The following LRGUK variants were observed in gnomAD, a reference collection of about 807,000 sequenced individuals.
LRGUK encodes the protein leucine-rich repeat and guanylate kinase domain-containing protein.
A neutral mutation model predicts 76.0 loss-of-function variants in LRGUK; 65 were observed. The ratio of observed to expected loss-of-function variants is 0.85; its 90% CI spans 0.70 to 1.05. The LOEUF is 1.05. Among genes scored for constraint, LRGUK ranks in the 50% least tolerant of loss-of-function variants. The pLI is 0.00. For synonymous variants in LRGUK, 268 were observed against 265.6 expected (o/e 1.01, Z -0.09); for missense variants, 758 against 732.8 (o/e 1.03, Z -0.40).
At chr7:134,209,621 A>G in exon 16 of LRGUK, 1 of 399,160 alleles carries the variant, frequency 2.5e-6, no homozygotes, top group Non-Finnish European at 4.4e-6. Flanking sequence ...ATCGCCCAGC[A>G]GGGAAGAGGC....
At chr7:134,240,092 A>C (rs955604390) in intron 16 of LRGUK, among the ~76,000 whole-genome samples, 1 of 152,228 alleles carries the variant, frequency 6.6e-6, no homozygotes, top group Non-Finnish European at 1.5e-5. Context: ...AACCACAAAG[A>C]TGGGGAGAAA....
At chr7:134,275,105 G>A in the LRGUK span, among the ~76,000 whole-genome samples, 41 of 152,036 alleles carry the variant, frequency 2.7e-4, no homozygotes, top group Admixed American at 2.6e-3. Context: ...CTACTCTGAT[G>A]TATATCATGG....
chr7:134,185,196 C>CA (rs571953978), intron 11 of LRGUK, among the ~76,000 whole-genome samples: 230 of 151,758 alleles, frequency 1.5e-3, no homozygotes, highest in African/African-American at 5.2e-3. Flanking sequence ...TAGAACCATC[C>CA]AAAAAAACAA....
At chr7:134,171,797 G>T (rs977544651) in intron 7 of LRGUK, among the ~76,000 whole-genome samples, 27 of 152,292 alleles carry the variant, frequency 1.8e-4, no homozygotes, top group African/African-American at 6.0e-4. Context: ...TGCTGTAAAA[G>T]TCTGTTATGC....
intron 7 of LRGUK, among the ~76,000 whole-genome samples, chr7:134,172,093 C>G (rs1585487010): frequency 6.6e-6 from 1 of 152,200 alleles, no homozygotes; most frequent in Middle Eastern, 3.4e-3. Flanking sequence ...TTTGTATGTT[C>G]CATGATCACT....
At chr7:134,151,317 A>C (rs1044873702) in intron 5 of LRGUK, among the ~76,000 whole-genome samples, 1 of 152,180 alleles carries the variant, frequency 6.6e-6, no homozygotes, top group South Asian at 2.1e-4. Flanking sequence ...ATGAAATACA[A>C]AAATTCCTAG....
rs111830556 is a variant in LRGUK, at chr7:134,191,880, TG to T, written c.1431+133del. 2.3e-4 allele frequency: 135 copies of T among 583,278 alleles called. No homozygotes were observed. In the South Asian group the frequency reaches 2.8e-3, roughly 12 times the overall value. The allele number at this position is 583,278 out of a possible 1,614,324, so 36.1% of individuals were successfully genotyped here. A position where few individuals can be genotyped will look rare whatever the true frequency, so the allele number is the denominator to read the frequency against. Reference sequence around the variant, plus strand: ...GCTTGTTATGAGAGGTGAGTTTTTATGGGGTTTTTTTTTTTTCTTAAAGTGC... The same window carrying T: ...GCTTGTTATGAGAGGTGAGTTTTTATGGGTTTTTTTTTTTTCTTAAAGTGC... On this transcript the variant is annotated intron_variant, in intron 12 of 15. Transcript: ENST00000645682.
chr7:134,243,803 A>G lies in LRGUK; in HGVS notation c.1984-3753A>G, dbSNP rs535041357. ...ATCACACTACCTGACTTCAAACTAT[A>G]CTACAAGGCTACAGTAACCAAAACA... is the stretch of plus-strand genomic sequence containing the variant. On this transcript the variant is annotated intron_variant, in intron 16 of 19. Transcript: ENST00000285928. Among the ~76,000 whole-genome samples, 450 of 152,310 alleles carry G rather than the reference A, an allele frequency of 3.0e-3. 2 individuals carry two copies. The highest frequency in any genetic ancestry group is 0.01 in the African/African-American group (433 of 41,562).
At chr7:134,146,529 A>G (rs1045292040) in intron 4 of LRGUK, among the ~76,000 whole-genome samples, 7 of 152,208 alleles carry the variant, frequency 4.6e-5, no homozygotes, top group African/African-American at 1.7e-4. Flanking sequence ...TGCATTTTCC[A>G]TAGCTCCCAT....
At chr7:134,158,936 T>G (rs866764863) in intron 6 of LRGUK, among the ~76,000 whole-genome samples, 1 of 152,188 alleles carries the variant, frequency 6.6e-6, no homozygotes, top group Non-Finnish European at 1.5e-5. Flanking sequence ...CTGTTCTTCA[T>G]TACATCTATC....
intron 12 of LRGUK, among the ~76,000 whole-genome samples, chr7:134,192,180 A>G (rs1800283494): frequency 2.6e-5 from 4 of 152,150 alleles, no homozygotes; most frequent in Admixed American, 2.6e-4. Context: ...CTTTCTGTGT[A>G]TTATCTGTGG....
At chr7:134,193,031 A>C (rs1291919065) in intron 12 of LRGUK, among the ~76,000 whole-genome samples, 1 of 152,094 alleles carries the variant, frequency 6.6e-6, no homozygotes, top group Non-Finnish European at 1.5e-5. Flanking sequence ...TAGGCTTTGC[A>C]GTTTCTATGA....
intron 7 of LRGUK, among the ~76,000 whole-genome samples, chr7:134,169,835 T>C (rs984997227): frequency 1.3e-5 from 2 of 152,180 alleles, no homozygotes; most frequent in Admixed American, 6.5e-5. Context: ...TTCTTATTTA[T>C]AAATCTTTAA....
At chr7:134,152,847 G>A (rs1367430305) in intron 5 of LRGUK, among the ~76,000 whole-genome samples, 1 of 151,990 alleles carries the variant, frequency 6.6e-6, no homozygotes. Context: ...ATAAGAGAAA[G>A]CATAAGTTAT....
At position 134,160,476 on chromosome 7, in the gene LRGUK, A is replaced by G. The variant is rs138695980; in HGVS notation, c.795+2317A>G. Among the ~76,000 whole-genome samples, 41 of 152,294 alleles carry G rather than the reference A, an allele frequency of 2.7e-4. 1 individual carries two copies. Among genetic ancestry groups the G allele is most frequent in the African/African-American group, 8.2e-4 (34 of 41,558 alleles). ...AATAAAATCTATAAAATTTGTTTCA[A>G]TAGTTTTTAATGCTTTTATTTTTAA... On this transcript the variant is annotated intron_variant, in intron 6 of 15. Coordinates refer to ENST00000645682, the Ensembl canonical transcript of LRGUK.
the LRGUK span, among the ~76,000 whole-genome samples, chr7:134,273,801 G>T: frequency 3.3e-5 from 5 of 152,090 alleles, no homozygotes; most frequent in African/African-American, 1.2e-4. Flanking sequence ...ACCACAAATT[G>T]TTGGCTCATG....
Position 134,127,700 on chromosome 7 carries a change from C to T in LRGUK, c.297+36C>T, listed in dbSNP as rs757936746. 47 of 1,579,702 alleles carry T rather than the reference C, an allele frequency of 3.0e-5. No individual in the cohort carries two copies. The East Asian group carries it at 5.7e-4, about 19-fold the overall frequency. On this transcript the variant is annotated intron_variant, in intron 1 of 15. Coordinates refer to ENST00000645682, the Ensembl canonical transcript of LRGUK. ...CCCCCCACCCCGTACTCCCTGGCTC[C>T]CTCGTCCAGCCCTGTTACTTCAGCG...
At position 134,189,091 on chromosome 7, in the gene LRGUK, G is replaced by T. The variant is rs567718432; in HGVS notation, c.1335-2564G>T. Reference sequence around the variant, plus strand: ...AGTAGCTTCAGTGACACCTGGCCATGAATTGGCACCCTTAGACTTTTAGGA... The same window carrying T: ...AGTAGCTTCAGTGACACCTGGCCATTAATTGGCACCCTTAGACTTTTAGGA... On this transcript the variant is annotated intron_variant, in intron 11 of 15. Coordinates refer to ENST00000645682, the Ensembl canonical transcript of LRGUK. Among the ~76,000 whole-genome samples, 5 of 152,276 alleles carry T rather than the reference G, an allele frequency of 3.3e-5. No homozygotes were observed. The South Asian group carries it at 6.2e-4, about 19-fold the overall frequency.
intron 7 of LRGUK, among the ~76,000 whole-genome samples, chr7:134,170,096 T>G (rs973889758): frequency 1.3e-5 from 2 of 152,092 alleles, no homozygotes; most frequent in African/African-American, 4.8e-5. Flanking sequence ...AATTTTTGAT[T>G]ACCCATGAGG....
Sources: gnomAD v4.1 joint callset for allele counts (sites outside exome capture counted in the v4.1 genomes callset) on GRCh38, gnomAD v4.1.1 for gene constraint, MANE v1.5 for transcripts, NCBI Gene and HGNC (gene_info 2026-07-23, HGNC 2026-07-21) for gene names.